EIF2AK4: variants seen among roughly 807,000 people sequenced by gnomAD.
EIF2AK4 encodes eukaryotic translation initiation factor 2 alpha kinase 4.
A neutral mutation model predicts 211.1 loss-of-function variants in EIF2AK4; 139 were observed. The ratio of observed to expected loss-of-function variants is 0.66; its 90% CI spans 0.57 to 0.76. The LOEUF is 0.76. Among genes scored for constraint, EIF2AK4 ranks in the 30% least tolerant of loss-of-function variants. The pLI is 0.00. For synonymous variants in EIF2AK4, 710 were observed against 751.3 expected (o/e 0.94, Z 0.90); for missense variants, 1,664 against 2,043.8 (o/e 0.81, Z 3.58).
intron 26 of EIF2AK4, among the ~76,000 whole-genome samples, 177 bp downstream of exon 26, chr15:40,009,907 T>C (rs750291338): frequency 5.9e-5 from 9 of 152,362 alleles, no homozygotes; most frequent in Non-Finnish European, 1.0e-4. Context: ...TATCAACAGT[T>C]AACAAGTATT....
At chr15:40,018,852 G>A (rs1045492588) in intron 29 of EIF2AK4, among the ~76,000 whole-genome samples, 1 of 152,152 alleles carries the variant, frequency 6.6e-6, no homozygotes, top group Non-Finnish European at 1.5e-5. Flanking sequence ...ATACTCAGTA[G>A]TCACTTGTGA....
intron 1 of EIF2AK4, among the ~76,000 whole-genome samples, chr15:39,938,422 G>A (rs2034098666): frequency 6.6e-6 from 1 of 152,204 alleles, no homozygotes; most frequent in African/African-American, 2.4e-5. Flanking sequence ...TGTACACATA[G>A]TAGAAGAGTA....
intron 1 of EIF2AK4, among the ~76,000 whole-genome samples, chr15:39,937,537 G>A (rs987541847): frequency 7.9e-5 from 12 of 152,134 alleles, no homozygotes; most frequent in South Asian, 4.1e-4. Flanking sequence ...ATTTATTTAC[G>A]TAATTTATGT....
rs1390284836 is a variant in EIF2AK4 at position 40,017,542 on chromosome 15, T to C, written c.4065+300T>C. Among the ~76,000 whole-genome samples, 3 of 68,850 alleles carry C rather than the reference T, an allele frequency of 4.4e-5. No homozygotes were observed. In the South Asian group the frequency reaches 1.4e-3, roughly 31 times the overall value. 45.2% of individuals were successfully genotyped at this position (68,850 alleles called of 152,430 possible). ...ATATATATATATATATATATATATA[T>C]ATATATATATATGTATTTTGGAGAC... On this transcript the variant is annotated intron_variant, in intron 29 of 38. Transcript: ENST00000263791.
chr15:39,957,060 G>T (rs1247366261), intron 6 of EIF2AK4, among the ~76,000 whole-genome samples: 2 of 152,056 alleles, frequency 1.3e-5, no homozygotes, highest in East Asian at 1.9e-4. Flanking sequence ...AATTATTTTT[G>T]AATCTGGGCT....
chr15:39,995,900 CA>C (rs2035012224), intron 18 of EIF2AK4, among the ~76,000 whole-genome samples: 1 of 152,182 alleles, frequency 6.6e-6, no homozygotes, highest in Non-Finnish European at 1.5e-5. Context: ...TAGCAAACCT[CA>C]AGAATACAAT....
In EIF2AK4 at chr15:39,943,632, T is replaced by C. The variant is rs1352990359; in HGVS notation, c.360+147T>C. 31 of 670,918 alleles carry C rather than the reference T, an allele frequency of 4.6e-5. No individual in the cohort carries two copies. In the East Asian group the frequency reaches 9.7e-4, roughly 21 times the overall value. The allele number at this position is 670,918 out of a possible 1,614,324, so 41.6% of individuals were successfully genotyped here. ...TATTTATTTAATAGGATTAATGAAA[T>C]TTGTAGTCTATAGATGGTACTATTG... On this transcript the variant is annotated intron_variant, in intron 3 of 38. Coordinates refer to ENST00000263791, the MANE Select transcript of EIF2AK4 (RefSeq NM_001013703.4).
intron 2 of EIF2AK4, among the ~76,000 whole-genome samples, chr15:39,942,108 G>T (rs1347098376): frequency 6.6e-6 from 1 of 152,108 alleles, no homozygotes; most frequent in African/African-American, 2.4e-5. Flanking sequence ...GCTATATTAT[G>T]ATTACTTATT....
intron 6 of EIF2AK4, among the ~76,000 whole-genome samples, chr15:39,957,831 G>A (rs566752556): frequency 3.0e-4 from 46 of 152,222 alleles, no homozygotes; most frequent in African/African-American, 1.0e-3. Context: ...GGGCAGTTTT[G>A]CTTCTCTTGA....
chr15:39,966,482 T>C lies in EIF2AK4; in HGVS notation c.1017+639T>C, dbSNP rs371926501. ...TGCCACTGAACTGCAACCTGGGTGATAGAGCAAGACCCTGTCTCCAAAAAA... is the reference window on the plus strand; with the variant it reads ...TGCCACTGAACTGCAACCTGGGTGACAGAGCAAGACCCTGTCTCCAAAAAA... On this transcript the variant is annotated intron_variant, in intron 8 of 38. Coordinates refer to ENST00000263791, the MANE Select transcript of EIF2AK4 (RefSeq NM_001013703.4). Among the ~76,000 whole-genome samples, 4 of 133,988 alleles carry C rather than the reference T, an allele frequency of 3.0e-5. No individual in the cohort carries two copies. The South Asian group carries it at 9.8e-4, about 33-fold the overall frequency. The allele number at this position is 133,988 out of a possible 152,430, so 87.9% of individuals were successfully genotyped here.
At chr15:40,015,645 A>G (rs2035293868) in intron 27 of EIF2AK4, among the ~76,000 whole-genome samples, 1 of 152,198 alleles carries the variant, frequency 6.6e-6, no homozygotes, top group Admixed American at 6.5e-5. Context: ...GGAGGTTTTA[A>G]CATTTTTTGG....
chr15:40,022,227 T>C (rs750408374), intron 31 of EIF2AK4: 10 of 271,354 alleles, frequency 3.7e-5, no homozygotes, highest in Non-Finnish European at 6.9e-5. Context: ...TGTTGTGTTG[T>C]ATAATTTTGG....
At chr15:39,955,814 G>A in intron 6 of EIF2AK4, 46 bp downstream of exon 6, 1 of 1,533,194 alleles carries the variant, frequency 6.5e-7, no homozygotes, top group Non-Finnish European at 8.7e-7. Context: ...AGATGTAGAA[G>A]GATTTTACTA....
intron 32 of EIF2AK4, among the ~76,000 whole-genome samples, chr15:40,024,525 G>A (rs1243738240): frequency 6.7e-6 from 1 of 148,242 alleles, no homozygotes; most frequent in South Asian, 2.1e-4. Flanking sequence ...TCAGCCTCCT[G>A]AGTAGCTGGG....
chr15:39,934,913 A>C (rs1473454701), intron 1 of EIF2AK4, among the ~76,000 whole-genome samples: 3 of 152,208 alleles, frequency 2.0e-5, no homozygotes, highest in African/African-American at 7.2e-5. Context: ...GCTCAGAATA[A>C]AGCACACATT....
At chr15:40,028,839 T>C (rs181352438) in intron 33 of EIF2AK4, among the ~76,000 whole-genome samples, 6 of 152,342 alleles carry the variant, frequency 3.9e-5, no homozygotes, top group Admixed American at 2.0e-4. Context: ...ACATGGGATT[T>C]AGTTTTAGCA....
chr15:39,969,356 C>CTTTTTTT (rs10550245), intron 9 of EIF2AK4, among the ~76,000 whole-genome samples: 358 of 101,228 alleles, frequency 3.5e-3, no homozygotes, highest in Non-Finnish European at 4.2e-3. Flanking sequence ...ATTTCTTATT[C>CTTTTTTT]TTTTTTTTTT....
intron 13 of EIF2AK4, among the ~76,000 whole-genome samples, chr15:39,979,805 C>T (rs1395413631): frequency 3.3e-5 from 5 of 152,268 alleles, no homozygotes; most frequent in Non-Finnish European, 5.9e-5. Context: ...GTTTCAGCCA[C>T]GGGACCAAAA....
intron 29 of EIF2AK4, among the ~76,000 whole-genome samples, chr15:40,017,529 A>G (rs1481554940): frequency 3.2e-5 from 3 of 92,434 alleles, no homozygotes; most frequent in African/African-American, 5.1e-5. Flanking sequence ...ATATATATAT[A>G]TATATATATA....
Sources: gnomAD v4.1 joint callset for allele counts (sites outside exome capture counted in the v4.1 genomes callset) on GRCh38, gnomAD v4.1.1 for gene constraint, MANE v1.5 for transcripts, NCBI Gene and HGNC (gene_info 2026-07-23, HGNC 2026-07-21) for gene names.